Variants in CEP128 observed in about 807,000 individuals in gnomAD.
The protein encoded by CEP128 is centrosomal protein 128, also known as centrosomal protein 128kDa.
CEP128 carries 132 observed loss-of-function variants against 156.7 expected under a neutral mutation model. That is an observed-to-expected ratio of 0.84 (90% CI 0.73 to 0.97). CEP128 has a LOEUF of 0.97. Ranked by LOEUF, CEP128 falls within the 50% of genes least tolerant of loss-of-function variation. The pLI is 0.00. For missense variants in CEP128, 1,252 were observed against 1,281.9 expected, an observed-to-expected ratio of 0.98 and a Z score of 0.36; for synonymous variants, 469 against 448.9, an observed-to-expected ratio of 1.04 and a Z score of -0.57.
At chr14:80,904,582 T>C (rs1883773608) in intron 6 of CEP128, among the ~76,000 whole-genome samples, 1 of 152,102 alleles carries the variant, frequency 6.6e-6, no homozygotes, top group Non-Finnish European at 1.5e-5. Context: ...ATACATATAT[T>C]AAAACATCAT....
At chr14:80,823,921 T>C (rs1595459288) in intron 13 of CEP128, among the ~76,000 whole-genome samples, 1 of 152,340 alleles carries the variant, frequency 6.6e-6, no homozygotes, top group East Asian at 1.9e-4. Flanking sequence ...CCCTTCCACA[T>C]TGCCCTAGCA....
intron 19 of CEP128, among the ~76,000 whole-genome samples, chr14:80,654,076 T>C (rs1345562747): frequency 1.3e-5 from 2 of 152,134 alleles, no homozygotes; most frequent in Non-Finnish European, 2.9e-5. Flanking sequence ...TGAATGAACA[T>C]TCATGGGCAG....
At chr14:80,733,556 A>G (rs947346921) in intron 19 of CEP128, among the ~76,000 whole-genome samples, 2 of 152,144 alleles carry the variant, frequency 1.3e-5, no homozygotes, top group Non-Finnish European at 2.9e-5. Context: ...GGAGAATGTA[A>G]TCTTTTTTTC....
At position 80,808,121 on chromosome 14, in the gene CEP128, G is replaced by A. The variant is rs536383744; in HGVS notation, c.1210-15011C>T. ...ACAAACTCTATGCTTGGCCTCACAA[G>A]CAGAGAGTGAGATCCCCTCCCACTG... On this transcript the variant is annotated intron_variant, in intron 13 of 24. Transcript: ENST00000555265. 2.6e-5 allele frequency among the ~76,000 whole-genome samples: 4 copies of A among 152,326 alleles called. No individual in the cohort carries two copies. The South Asian group carries it at 8.3e-4, about 32-fold the overall frequency.
chr14:80,516,994 A>T (rs542174222), intron 23 of CEP128, among the ~76,000 whole-genome samples: 2 of 152,064 alleles, frequency 1.3e-5, no homozygotes, highest in Non-Finnish European at 2.9e-5. Context: ...TTCCTGAGAG[A>T]TAGGGGGACA....
Position 80,814,197 on chromosome 14 carries a change from T to C in CEP128, c.1209+16946A>G, listed in dbSNP as rs190026970. ...CCTGGGGTTCTTAGAGCTTCTAAAATATGTGAATTGATGTATTTTCTCTTC... is the reference window on the plus strand; with the variant it reads ...CCTGGGGTTCTTAGAGCTTCTAAAACATGTGAATTGATGTATTTTCTCTTC... On this transcript the variant is annotated intron_variant, in intron 13 of 24. Coordinates refer to ENST00000555265, the MANE Select transcript of CEP128 (RefSeq NM_152446.5). 1.9e-3 allele frequency among the ~76,000 whole-genome samples: 287 copies of C among 152,278 alleles called. 1 individual carries two copies. Among genetic ancestry groups the C allele is most frequent in the African/African-American group, 6.6e-3 (273 of 41,562 alleles).
chr14:80,716,312 A>G (rs1308928785), intron 19 of CEP128, among the ~76,000 whole-genome samples: 1 of 152,142 alleles, frequency 6.6e-6, no homozygotes, highest in Non-Finnish European at 1.5e-5. Flanking sequence ...CACCACAATC[A>G]ATTTTAAAAC....
chr14:80,904,946 G>C lies in CEP128; in HGVS notation c.362-15C>G, dbSNP rs746224364. On this transcript the variant is annotated splice_polypyrimidine_tract_variant and intron_variant, in intron 5 of 24. Transcript: ENST00000555265. The stretch of plus-strand genomic sequence containing the variant: ...ATGATGGAGCTCTTCACAAGTGAAA[G>C]AAAAGGGAAGGTATTAAAATACTGC... 4 of 1,388,178 alleles carry C rather than the reference G, an allele frequency of 2.9e-6. No individual in the cohort carries two copies. In the East Asian group the frequency reaches 9.1e-5, roughly 32 times the overall value. 86.0% of individuals were successfully genotyped at this position (1,388,178 alleles called of 1,614,324 possible). A position where few individuals can be genotyped will look rare whatever the true frequency, so the allele number is the denominator to read the frequency against.
intron 9 of CEP128, among the ~76,000 whole-genome samples, chr14:80,849,520 T>C (rs996691101): frequency 2.6e-5 from 4 of 152,296 alleles, no homozygotes; most frequent in Admixed American, 2.0e-4. Flanking sequence ...AATAATGAGG[T>C]TATAGTTCTA....
intron 8 of CEP128, among the ~76,000 whole-genome samples, chr14:80,884,395 C>T (rs1156861608): frequency 2.0e-5 from 3 of 152,180 alleles, no homozygotes; most frequent in Admixed American, 2.0e-4. Context: ...CAGCTCCAGT[C>T]GGCAACTCCC....
At chr14:80,623,962 A>G (rs1452683801) in intron 19 of CEP128, among the ~76,000 whole-genome samples, 11 of 152,092 alleles carry the variant, frequency 7.2e-5, no homozygotes, top group African/African-American at 2.7e-4. Flanking sequence ...GCTTTTTTGA[A>G]AATATACAGT....
intron 19 of CEP128, among the ~76,000 whole-genome samples, chr14:80,675,754 T>C (rs1233747666): frequency 6.6e-6 from 1 of 152,134 alleles, no homozygotes; most frequent in Non-Finnish European, 1.5e-5. Context: ...GTCAAATCTT[T>C]CCATGAGTGA....
Position 80,743,308 on chromosome 14 carries a change from G to T in CEP128, c.2614-41C>A, listed in dbSNP as rs764325533. Reference sequence around the variant, plus strand: ...TATATCTAATGGTTAAAGAAACTCAGAAAAGAGCAGCATTTCAAAACATGA... The same window carrying T: ...TATATCTAATGGTTAAAGAAACTCATAAAAGAGCAGCATTTCAAAACATGA... On this transcript the variant is annotated intron_variant, in intron 18 of 24. Transcript: ENST00000555265. The T allele has an allele frequency of 2.3e-6, 3 of 1,329,112 alleles. No homozygotes were observed. In the Admixed American group the frequency reaches 5.7e-5, roughly 25 times the overall value. 82.3% of individuals were successfully genotyped at this position (1,329,112 alleles called of 1,614,324 possible).
At chr14:80,547,371 C>G (rs10148083) in intron 21 of CEP128, among the ~76,000 whole-genome samples, 1 of 152,052 alleles carries the variant, frequency 6.6e-6, no homozygotes, top group Non-Finnish European at 1.5e-5. Flanking sequence ...ACTTGCAAAG[C>G]GTTCTTTACG....
intron 11 of CEP128, among the ~76,000 whole-genome samples, chr14:80,837,411 G>A (rs1002672599): frequency 6.6e-6 from 1 of 152,126 alleles, no homozygotes. Context: ...AATGCAAAAC[G>A]TTATACTTTA....
chr14:80,503,399 G>A (rs1887825030), intron 24 of CEP128, among the ~76,000 whole-genome samples: 1 of 152,210 alleles, frequency 6.6e-6, no homozygotes, highest in Non-Finnish European at 1.5e-5. Context: ...CTAAATACAG[G>A]TTCTTTCACT....
intron 21 of CEP128, among the ~76,000 whole-genome samples, chr14:80,547,728 T>C (rs1890044007): frequency 6.6e-6 from 1 of 152,088 alleles, no homozygotes; most frequent in African/African-American, 2.4e-5. Context: ...ACTGGCAACA[T>C]AGAAATTTTG....
At chr14:80,769,494 A>G (rs1733158690) in intron 16 of CEP128, among the ~76,000 whole-genome samples, 1 of 151,888 alleles carries the variant, frequency 6.6e-6, no homozygotes, top group South Asian at 2.1e-4. Flanking sequence ...CCTATGAGTG[A>G]GAACATGCGG....
At chr14:80,662,607 T>C (rs1210663088) in intron 19 of CEP128, among the ~76,000 whole-genome samples, 1 of 152,070 alleles carries the variant, frequency 6.6e-6, no homozygotes, top group Non-Finnish European at 1.5e-5. Context: ...AAATGGAAAA[T>C]AAAGAGTTGT....
Sources: allele counts gnomAD v4.1 joint callset (sites outside exome capture counted in the v4.1 genomes callset), GRCh38; gene constraint gnomAD v4.1.1; transcripts MANE v1.5; gene names NCBI Gene and HGNC (gene_info 2026-07-23, HGNC 2026-07-21).